The following DCDC2 variants were observed in gnomAD, a reference collection of about 807,000 sequenced individuals.
DCDC2 encodes the protein doublecortin domain containing 2, also known as doublecortin domain-containing protein 2.
DCDC2 carries 40 observed loss-of-function variants against 50.2 expected under a neutral mutation model. The ratio of observed to expected loss-of-function variants is 0.80; its 90% CI spans 0.62 to 1.04. The LOEUF is 1.04. Ranked by LOEUF, DCDC2 falls within the 50% of genes least tolerant of loss-of-function variation. The probability of loss-of-function intolerance (pLI) is 0.00; values close to 1 mark genes in which losing one functional copy is unlikely to be tolerated. For missense variants in DCDC2, 570 were observed against 581.9 expected, an observed-to-expected ratio of 0.98 and a Z score of 0.21; for synonymous variants, 234 against 210.6, an observed-to-expected ratio of 1.11 and a Z score of -0.96.
intron 7 of DCDC2, among the ~76,000 whole-genome samples, chr6:24,225,543 C>A (rs898084011): frequency 3.9e-5 from 6 of 152,198 alleles, no homozygotes; most frequent in Non-Finnish European, 7.3e-5. Context: ...GTCAACCATG[C>A]TCAATGTACT....
rs1760814132 is a variant in DCDC2, at chr6:24,172,890, G to A, written c.*1840C>T. 6.6e-6 allele frequency: 1 copy of A among 151,940 alleles called. No individual in the cohort carries two copies. The highest frequency in any genetic ancestry group is 2.1e-4 in the South Asian group (1 of 4,818). 9.4% of individuals were successfully genotyped at this position (151,940 alleles called of 1,614,324 possible). ...GATGCCTGTAATCCCAGCTACTCGG[G>A]AGGCTCAGGTGCTTGAACCCAGGAG... On this transcript the variant is annotated 3_prime_UTR_variant, in exon 10 of 10. Transcript: ENST00000378454.
Position 24,172,049 on chromosome 6 carries a change from A to G in DCDC2, c.*2681T>C, listed in dbSNP as rs1163939602. On this transcript the variant is annotated 3_prime_UTR_variant, in exon 10 of 10. Transcript: ENST00000378454. ...CACATAAAAGGTCCCAGGTCTGTCA[A>G]TGAGTTTCATTTAATTTGGAGAGCC... 1.3e-5 allele frequency: 2 copies of G among 152,206 alleles called. No homozygotes were observed. Among genetic ancestry groups the G allele is most frequent in the Admixed American group, 6.5e-5 (1 of 15,286 alleles). 9.4% of individuals were successfully genotyped at this position (152,206 alleles called of 1,614,324 possible).
intron 7 of DCDC2, among the ~76,000 whole-genome samples, chr6:24,216,867 C>T (rs9460977): frequency 0.11 from 16,676 of 152,244 alleles, 998 homozygotes; most frequent in Middle Eastern, 0.16. Flanking sequence ...ACCATTCTTG[C>T]TATGCAGATA....
intron 8 of DCDC2, among the ~76,000 whole-genome samples, chr6:24,196,136 C>T: frequency 6.6e-6 from 1 of 152,036 alleles, no homozygotes; most frequent in East Asian, 1.9e-4. Context: ...ATTTAAGTAT[C>T]TTTTCTAGCT....
intron 2 of DCDC2, among the ~76,000 whole-genome samples, chr6:24,326,453 T>C (rs983604775): frequency 2.5e-5 from 2 of 79,636 alleles, no homozygotes; most frequent in African/African-American, 9.0e-5. Flanking sequence ...ATACAAAGCA[T>C]GTTAAGAGCT....
At chr6:24,323,851 CTT>C (rs1299787063) in intron 2 of DCDC2, among the ~76,000 whole-genome samples, 4 of 152,182 alleles carry the variant, frequency 2.6e-5, no homozygotes, top group Admixed American at 2.6e-4. Flanking sequence ...TCCTCTATTA[CTT>C]TGTGAAGCAA....
intron 7 of DCDC2, among the ~76,000 whole-genome samples, chr6:24,273,901 T>A (rs931133798): frequency 3.3e-5 from 5 of 152,124 alleles, no homozygotes; most frequent in Non-Finnish European, 7.3e-5. Context: ...CCACACCTGC[T>A]CCCAATCAGT....
intron 8 of DCDC2, among the ~76,000 whole-genome samples, chr6:24,200,329 A>T (rs957146253): frequency 6.6e-6 from 1 of 152,254 alleles, no homozygotes; most frequent in African/African-American, 2.4e-5. Context: ...AAACCCTACA[A>T]GCCAGAAGAG....
At chr6:24,261,491 C>G (rs1342733717) in intron 7 of DCDC2, among the ~76,000 whole-genome samples, 1 of 151,974 alleles carries the variant, frequency 6.6e-6, no homozygotes, top group African/African-American at 2.4e-5. Flanking sequence ...AGGTAATTCT[C>G]CAAGTAAAAC....
intron 7 of DCDC2, among the ~76,000 whole-genome samples, chr6:24,218,686 C>G (rs190437067): frequency 6.3e-4 from 96 of 152,226 alleles, no homozygotes; most frequent in African/African-American, 2.2e-3. Context: ...ATGAGGTCTC[C>G]CTACATTGCC....
At chr6:24,268,456 C>A (rs1353357830) in intron 7 of DCDC2, among the ~76,000 whole-genome samples, 1 of 152,144 alleles carries the variant, frequency 6.6e-6, no homozygotes, top group Non-Finnish European at 1.5e-5. Flanking sequence ...CATTGCACTA[C>A]AGCCTGGGTG....
chr6:24,307,154 A>C (rs1759488733), intron 2 of DCDC2, among the ~76,000 whole-genome samples: 1 of 151,982 alleles, frequency 6.6e-6, no homozygotes, highest in Non-Finnish European at 1.5e-5. Flanking sequence ...TGGAAATATC[A>C]CTCCCTGGGG....
chr6:24,210,017 AG>A (rs201560795), intron 7 of DCDC2, among the ~76,000 whole-genome samples: 2 of 99,842 alleles, frequency 2.0e-5, no homozygotes, highest in South Asian at 9.2e-4. Flanking sequence ...CAGCAGTATC[AG>A]GGTGTGTGTG....
At chr6:24,222,801 A>G (rs530856164) in intron 7 of DCDC2, among the ~76,000 whole-genome samples, 3 of 152,360 alleles carry the variant, frequency 2.0e-5, no homozygotes, top group South Asian at 4.1e-4. Context: ...ACAATACAAA[A>G]TAAAAACAAG....
intron 7 of DCDC2, among the ~76,000 whole-genome samples, chr6:24,261,436 A>G (rs1763007123): frequency 6.6e-6 from 1 of 152,008 alleles, no homozygotes; most frequent in Non-Finnish European, 1.5e-5. Flanking sequence ...CTCTGGCCAG[A>G]GAAGCATGTT....
the DCDC2 span, among the ~76,000 whole-genome samples, chr6:24,374,140 C>T: frequency 7.2e-5 from 9 of 124,828 alleles, no homozygotes; most frequent in African/African-American, 2.5e-4. Flanking sequence ...CCAGCCTGGG[C>T]GACAGAGTGA....
rs79162592 is a variant in DCDC2, at chr6:24,338,059, A to C, written c.348+15510T>G. Among the ~76,000 whole-genome samples, 327 of 152,324 alleles carry C rather than the reference A, an allele frequency of 2.1e-3. 1 individual carries two copies. Among genetic ancestry groups the C allele is most frequent in the African/African-American group, 7.2e-3 (299 of 41,580 alleles). ...GCATTAACACACAATACATGAACAC[A>C]CAGTCCCTCATCTGTGAGCTCTTGA... is the stretch of plus-strand genomic sequence containing the variant. On this transcript the variant is annotated intron_variant, in intron 2 of 9. Transcript: ENST00000378454.
Position 24,217,056 on chromosome 6 carries a change from T to C in DCDC2, c.923-11954A>G, listed in dbSNP as rs1013220725. Among the ~76,000 whole-genome samples the C allele has an allele frequency of 1.7e-4, 26 of 152,084 alleles. 1 individual carries two copies. The highest frequency in any genetic ancestry group is 1.6e-3 in the Admixed American group (24 of 15,270). On this transcript the variant is annotated intron_variant, in intron 7 of 9. Transcript: ENST00000378454. ...CTGAATGAAAGCATTCAATTTACTA[T>C]AATCACTAACAATCATTTCAGACAG... is the stretch of plus-strand genomic sequence containing the variant.
At chr6:24,348,351 C>T (rs555696675) in intron 2 of DCDC2, among the ~76,000 whole-genome samples, 9 of 152,150 alleles carry the variant, frequency 5.9e-5, no homozygotes, top group Non-Finnish European at 7.4e-5. Flanking sequence ...TAAAGATCTC[C>T]GTAAAAGATG....
Sources: allele counts gnomAD v4.1 joint callset (sites outside exome capture counted in the v4.1 genomes callset), GRCh38; gene constraint gnomAD v4.1.1; transcripts MANE v1.5; gene names NCBI Gene and HGNC (gene_info 2026-07-23, HGNC 2026-07-21).